SLC38A12: variants seen among roughly 807,000 people sequenced by gnomAD.
SLC38A12 encodes the protein solute carrier family 38 member 12.
chr17:74,809,427 C>T, the SLC38A12 span, among the ~76,000 whole-genome samples: 1 of 152,270 alleles, frequency 6.6e-6, no homozygotes, highest in East Asian at 1.9e-4. Context: ...GTGAGCGGTG[C>T]CACAGTGGCT....
At chr17:74,812,359 T>G in the SLC38A12 span, among the ~76,000 whole-genome samples, 1 of 151,976 alleles carries the variant, frequency 6.6e-6, no homozygotes, top group Non-Finnish European at 1.5e-5. Flanking sequence ...TGTGGGTGAA[T>G]CCCCAGATAC....
chr17:74,788,332 A>G, the SLC38A12 span, among the ~76,000 whole-genome samples: 4 of 152,216 alleles, frequency 2.6e-5, no homozygotes, highest in East Asian at 1.9e-4. Context: ...CCGTGAGTGT[A>G]TGTAATTGGG....
chr17:74,814,950 A>T, the SLC38A12 span, among the ~76,000 whole-genome samples: 1 of 152,222 alleles, frequency 6.6e-6, no homozygotes, highest in Non-Finnish European at 1.5e-5. Flanking sequence ...AAGAGCCCCC[A>T]GGGAGGATTA....
At chr17:74,832,860 C>T in the SLC38A12 span, among the ~76,000 whole-genome samples, 6 of 152,196 alleles carry the variant, frequency 3.9e-5, no homozygotes, top group South Asian at 2.1e-4. Context: ...ATCCAGCCCA[C>T]GAAGGTAGAC....
At chr17:74,829,364 T>C in the SLC38A12 span, among the ~76,000 whole-genome samples, 1 of 152,200 alleles carries the variant, frequency 6.6e-6, no homozygotes, top group Admixed American at 6.5e-5. The surrounding 1 kb of genome is among the most constrained non-coding windows in gnomAD (Gnocchi z 4.1). Context: ...GCTCAAGTAA[T>C]CCGCCCACCT....
At chr17:74,824,661 G>A in the SLC38A12 span, among the ~76,000 whole-genome samples, 1 of 152,188 alleles carries the variant, frequency 6.6e-6, no homozygotes, top group African/African-American at 2.4e-5. Flanking sequence ...CTGGGCTGCC[G>A]AGGACCGCAG....
At chr17:74,795,744 T>A in the SLC38A12 span, 1 of 810,036 alleles carries the variant, frequency 1.2e-6, no homozygotes, top group South Asian at 1.7e-5. Flanking sequence ...GAGGATCTAC[T>A]CTTCTCCACA....
At chr17:74,785,606 G>GAGAGGCAGCGGGGACTTCCCCAC in the SLC38A12 span, 1 of 1,612,888 alleles carries the variant, frequency 6.2e-7, no homozygotes, top group South Asian at 1.1e-5. Context: ...TTCATGAGGT[G>GAGAGGCAGCGGGGACTTCCCCAC]AGAGGCAGCG....
chr17:74,829,452 G>A, the SLC38A12 span, among the ~76,000 whole-genome samples: 2 of 152,138 alleles, frequency 1.3e-5, no homozygotes, highest in Non-Finnish European at 2.9e-5. The surrounding 1 kb of genome is among the most constrained non-coding windows in gnomAD (Gnocchi z 4.1). Context: ...AGCCAGCCAT[G>A]TTCCAGTGCT....
the SLC38A12 span, chr17:74,837,606 C>T: frequency 5.1e-6 from 5 of 985,384 alleles, no homozygotes; most frequent in African/African-American, 8.7e-5. Flanking sequence ...CGTGCTCCCA[C>T]TCCAACACTA....
the SLC38A12 span, among the ~76,000 whole-genome samples, chr17:74,828,182 G>A: frequency 6.6e-6 from 1 of 152,236 alleles, no homozygotes; most frequent in Non-Finnish European, 1.5e-5. Flanking sequence ...CCACACATGG[G>A]GAGCAGGGAA....
chr17:74,822,025 G>A, the SLC38A12 span, among the ~76,000 whole-genome samples: 43 of 152,216 alleles, frequency 2.8e-4, no homozygotes, highest in Admixed American at 2.7e-3. Flanking sequence ...AATGGCTTCC[G>A]AAGACCCCTG....
At chr17:74,836,795 A>G in the SLC38A12 span, 2 of 1,464,230 alleles carry the variant, frequency 1.4e-6, no homozygotes, top group African/African-American at 2.8e-5. This position sits in a 1 kb window ranked among gnomAD's most constrained non-coding sequence, Gnocchi z 4.2. Flanking sequence ...GGCAGGTGGG[A>G]CTGTGGCTCT....
chr17:74,820,548 G>A, the SLC38A12 span, among the ~76,000 whole-genome samples: 17 of 152,348 alleles, frequency 1.1e-4, no homozygotes, highest in South Asian at 1.7e-3. Flanking sequence ...AGGAGCGGGT[G>A]GGGCCCTCTG....
the SLC38A12 span, among the ~76,000 whole-genome samples, chr17:74,808,024 A>G: frequency 6.6e-6 from 1 of 152,206 alleles, no homozygotes; most frequent in Non-Finnish European, 1.5e-5. Flanking sequence ...TTTCCACAAT[A>G]TTTATCTTCC....
At chr17:74,835,409 C>T in the SLC38A12 span, among the ~76,000 whole-genome samples, 5 of 152,176 alleles carry the variant, frequency 3.3e-5, no homozygotes, top group East Asian at 3.8e-4. Context: ...CAGATGCCCT[C>T]GGCCCAGGAG....
chr17:74,787,294 G>A, the SLC38A12 span, among the ~76,000 whole-genome samples: 2 of 151,522 alleles, frequency 1.3e-5, no homozygotes, highest in Admixed American at 6.6e-5. Flanking sequence ...AGAGGCAGGG[G>A]TGAGTCTGCT....
chr17:74,794,698 A>T, the SLC38A12 span, among the ~76,000 whole-genome samples: 4,741 of 151,232 alleles, frequency 0.031, 262 homozygotes, highest in African/African-American at 0.11. Context: ...CCCTCCTCCC[A>T]CCCCAGCCAT....
chr17:74,777,511 A>G, the SLC38A12 span: 12 of 1,546,232 alleles, frequency 7.8e-6, no homozygotes, highest in South Asian at 1.2e-5. Flanking sequence ...GGGGAGTTCC[A>G]TGGGGCAGCG....
Sources: gnomAD v4.1 joint callset for allele counts (sites outside exome capture counted in the v4.1 genomes callset) on GRCh38, gnomAD v4.1.1 for gene constraint, Gnocchi (gnomAD v3.1) non-coding constraint, MANE v1.5 for transcripts, NCBI Gene and HGNC (gene_info 2026-07-23, HGNC 2026-07-21) for gene names.